The following DEFB127 variants were observed in gnomAD, a reference collection of about 807,000 sequenced individuals.
The protein encoded by DEFB127 is beta-defensin 127.
In DEFB127, 2 loss-of-function variants were observed where a neutral mutation model predicts 2.4. The observed-to-expected ratio is 0.82, with a 90% CI of 0.34 to 2.58. The LOEUF is 2.58. Among genes scored for constraint, DEFB127 ranks in the 30% most tolerant of loss-of-function variants. The probability of loss-of-function intolerance (pLI) is 0.11; values close to 1 mark genes in which losing one functional copy is unlikely to be tolerated. For missense variants in DEFB127, 110 were observed against 113.2 expected (o/e 0.97, Z 0.13); for synonymous variants, 37 against 39.8 (o/e 0.93, Z 0.26).
chr20:157,684 A>C, intron 1 of DEFB127, 91 bp downstream of exon 1: 1 of 1,425,584 alleles, frequency 7.0e-7, no homozygotes, highest in East Asian at 2.3e-5. Context: ...CTAAAGGGAA[A>C]TAGAGCCCCC....
intron 1 of DEFB127, among the ~76,000 whole-genome samples, chr20:158,456 C>T (rs2054711756): frequency 6.6e-6 from 1 of 152,106 alleles, no homozygotes; most frequent in Admixed American, 6.6e-5. Context: ...GCTGAGGTTC[C>T]TATGTAGAGC....
chr20:158,386 C>T (rs1047422573), intron 1 of DEFB127, among the ~76,000 whole-genome samples: 1 of 152,104 alleles, frequency 6.6e-6, no homozygotes, highest in Non-Finnish European at 1.5e-5. Context: ...GTTCTCTGGG[C>T]ATCAGAGGAG....
In DEFB127 at chr20:157,512, GC is replaced by G. The variant is rs2054706962; in HGVS notation, c.-32del. The G allele has an allele frequency of 6.2e-7, 1 of 1,606,130 alleles. No individual in the cohort carries two copies. Among genetic ancestry groups the G allele is most frequent in the Non-Finnish European group, 8.5e-7 (1 of 1,176,558 alleles). On this transcript the variant is annotated 5_prime_UTR_variant, in exon 1 of 2. Transcript: ENST00000382388. Reference sequence around the variant, plus strand: ...TAGTGTGCAGTTCACTGGACCAAAAGCTTTGGCTGCACCTCTTCTGGAAAGC... The same window carrying G: ...TAGTGTGCAGTTCACTGGACCAAAAGTTTGGCTGCACCTCTTCTGGAAAGC...
At chr20:158,708 C>G in intron 1 of DEFB127, 66 bp from the exon 2 acceptor site, 2 of 1,517,518 alleles carry the variant, frequency 1.3e-6, no homozygotes, top group Non-Finnish European at 1.8e-6. Flanking sequence ...CCTCTGTCTT[C>G]CCCAAAACCA....
chr20:158,773 G>C lies in DEFB127; in HGVS notation c.50-1G>C. ...GTTCTATTGCTCCTTTCTGTGTATA[G>C]TAACCGAACAACTTAAGAAGTGCTG... On this transcript the variant is annotated splice_acceptor_variant, in intron 1 of 1. Transcript: ENST00000382388. LOFTEE classifies it high-confidence loss of function. 1 of 1,609,204 alleles carries C rather than the reference G, an allele frequency of 6.2e-7. No individual in the cohort carries two copies. Among genetic ancestry groups the C allele is most frequent in the Non-Finnish European group, 8.5e-7 (1 of 1,177,786 alleles).
At chr20:158,476 T>C (rs1464145536) in intron 1 of DEFB127, among the ~76,000 whole-genome samples, 1 of 152,156 alleles carries the variant, frequency 6.6e-6, no homozygotes, top group Non-Finnish European at 1.5e-5. Flanking sequence ...CATAGTTCCA[T>C]AGCCTAGAAT....
At position 157,482 on chromosome 20, in the gene DEFB127, T is replaced by G. The variant is rs2054706812; in HGVS notation, c.-63T>G. On this transcript the variant is annotated 5_prime_UTR_variant, in exon 1 of 2. Transcript: ENST00000382388. ...TAAGAATCTAAGTCTCTGAGGAAGG[T>G]AGCATAGTGTGCAGTTCACTGGACC... 1 of 1,556,152 alleles carries G rather than the reference T, an allele frequency of 6.4e-7. No homozygotes were observed. Among genetic ancestry groups the G allele is most frequent in the African/African-American group, 1.4e-5 (1 of 73,890 alleles).
chr20:158,628 G>A lies in DEFB127; in HGVS notation c.50-146G>A, dbSNP rs149534325. The A allele has an allele frequency of 1.4e-4, 108 of 787,992 alleles. 2 individuals are homozygous for A. In the East Asian group the frequency reaches 2.3e-3, roughly 16 times the overall value. The allele number at this position is 787,992 out of a possible 1,614,324, so 48.8% of individuals were successfully genotyped here. On this transcript the variant is annotated intron_variant, in intron 1 of 1. Coordinates refer to ENST00000382388, the MANE Select transcript of DEFB127 (RefSeq NM_139074.4). The stretch of plus-strand genomic sequence containing the variant: ...TACAAACACTGAGGTTGACCTTGTC[G>A]GAAAATCCTCTTCAGAATATATGAG...
In DEFB127 at chr20:157,923, A is replaced by G. The variant is rs569523345; in HGVS notation, c.49+330A>G. Among the ~76,000 whole-genome samples, 9 of 22,946 alleles carry G rather than the reference A, an allele frequency of 3.9e-4. No homozygotes were observed. In the Admixed American group the frequency reaches 4.5e-3, roughly 11 times the overall value. The allele number at this position is 22,946 out of a possible 152,430, so 15.1% of individuals were successfully genotyped here. ...CTCAGCTATATTTCCTTTTACTCAA[A>G]TATATATATGTGTGTGTGTGTGTGT... On this transcript the variant is annotated intron_variant, in intron 1 of 1. Coordinates refer to ENST00000382388, the MANE Select transcript of DEFB127 (RefSeq NM_139074.4).
intron 1 of DEFB127, among the ~76,000 whole-genome samples, chr20:158,081 G>A (rs933747407): frequency 6.6e-6 from 1 of 152,032 alleles, no homozygotes; most frequent in African/African-American, 2.4e-5. Flanking sequence ...CCTCATCTAT[G>A]GAGATAATGA....
chr20:158,131 T>A (rs898401041), intron 1 of DEFB127, among the ~76,000 whole-genome samples: 1 of 152,166 alleles, frequency 6.6e-6, no homozygotes, highest in Non-Finnish European at 1.5e-5. Context: ...ATATAACCTA[T>A]GTGAAGCTTG....
Position 158,928 on chromosome 20 carries a change from GC to G in DEFB127, c.206del (p.Pro69HisfsTer11). ...ELEACKKITK[P>X]PRPKPATLAL... is the part of the protein sequence containing the mutation. ...TGGAAGCATGTAAAAAAATTACAAA[GC>G]CACCTCGTCCAAAGCCAGCAACACT... On this transcript the variant is annotated frameshift_variant, in exon 2 of 2. Coordinates refer to ENST00000382388, the MANE Select transcript of DEFB127 (RefSeq NM_139074.4). LOFTEE classifies it low-confidence loss of function (END_TRUNC). 6.2e-7 allele frequency: 1 copy of G among 1,613,710 alleles called. No homozygotes were observed. Among genetic ancestry groups the G allele is most frequent in the African/African-American group, 1.3e-5 (1 of 75,012 alleles).
chr20:158,674 C>T, intron 1 of DEFB127, 100 bp from the exon 2 acceptor site: 2 of 1,230,086 alleles, frequency 1.6e-6, no homozygotes, highest in Non-Finnish European at 2.3e-6. Flanking sequence ...GTGGATACCC[C>T]ATACCCCTAA....
At position 159,056 on chromosome 20, in the gene DEFB127, C is replaced by T; in HGVS notation, c.*32C>T. The T allele has an allele frequency of 6.4e-7, 1 of 1,571,814 alleles. No homozygotes were observed. The highest frequency in any genetic ancestry group is 8.6e-7 in the Non-Finnish European group (1 of 1,161,454). On this transcript the variant is annotated 3_prime_UTR_variant, in exon 2 of 2. Transcript: ENST00000382388. The stretch of plus-strand genomic sequence containing the variant: ...TACAATTTCGTTTTCACTTGCTTCT[C>T]AACCTAGTCTAATAAACTAAGGTGA...
At chr20:157,867 T>C (rs1160895756) in intron 1 of DEFB127, among the ~76,000 whole-genome samples, 4 of 152,192 alleles carry the variant, frequency 2.6e-5, no homozygotes, top group Non-Finnish European at 5.9e-5. Context: ...GGGATACCTT[T>C]ATGTCTTTGG....
chr20:158,837 G>A lies in DEFB127; in HGVS notation c.113G>A (p.Arg38Lys), dbSNP rs2054713684. The change falls in exon 2 of 2, where the codon AGA becomes AAA. Residue 38 changes from arginine (R) to lysine (K), a missense_variant. Coordinates refer to ENST00000382388, the MANE Select transcript of DEFB127 (RefSeq NM_139074.4). Reference protein sequence around the residue: ...YVQGHCRKICRVNEVPEALCE... With the variant: ...YVQGHCRKICKVNEVPEALCE... ...CAAGGACATTGCAGGAAAATCTGCA[G>A]AGTAAATGAAGTGCCTGAGGCACTA... The A allele has an allele frequency of 1.2e-6, 2 of 1,613,678 alleles. No individual in the cohort carries two copies. The highest frequency in any genetic ancestry group is 1.7e-5 in the Admixed American group (1 of 59,924).
intron 1 of DEFB127, among the ~76,000 whole-genome samples, 160 bp downstream of exon 1, chr20:157,753 C>T (rs2054708203): frequency 6.6e-6 from 1 of 152,108 alleles, no homozygotes. Flanking sequence ...GAGCCTTATT[C>T]CATGTTACTA....
intron 1 of DEFB127, 28 bp downstream of exon 1, chr20:157,621 T>C: frequency 6.2e-7 from 1 of 1,613,344 alleles, no homozygotes; most frequent in Non-Finnish European, 8.5e-7. Flanking sequence ...CTCACTCAAA[T>C]CAACAGTGGG....
intron 1 of DEFB127, among the ~76,000 whole-genome samples, chr20:158,513 A>C (rs12626088): frequency 1.3e-5 from 2 of 151,984 alleles, no homozygotes; most frequent in Non-Finnish European, 2.9e-5. Context: ...TTATTTTCTC[A>C]GATAAGATCT....
Sources: gnomAD v4.1 joint callset for allele counts (sites outside exome capture counted in the v4.1 genomes callset) on GRCh38, gnomAD v4.1.1 for gene constraint, MANE v1.5 for transcripts, NCBI Gene and HGNC (gene_info 2026-07-23, HGNC 2026-07-21) for gene names.